Variants in NCOR2 observed in about 807,000 individuals in gnomAD.
NCOR2 encodes the protein nuclear receptor corepressor 2, also known as CTG repeat protein 26.
Under a neutral mutation model 262.9 loss-of-function variants are expected in NCOR2, and 81 were observed. That is an observed-to-expected ratio of 0.31 (90% CI 0.26 to 0.37). The LOEUF (loss-of-function observed/expected upper bound fraction) is 0.37. NCOR2 is among the 10% of genes least tolerant of loss of function. The pLI is 1.00. For missense variants in NCOR2, 3,385 were observed against 3,621.4 expected, an observed-to-expected ratio of 0.93 and a Z score of 1.68; for synonymous variants, 1,659 against 1,559.3, an observed-to-expected ratio of 1.06 and a Z score of -1.51.
At chr12:124,485,546 C>T (rs1206049390) in intron 2 of NCOR2, among the ~76,000 whole-genome samples, 1 of 152,232 alleles carries the variant, frequency 6.6e-6, no homozygotes, top group Non-Finnish European at 1.5e-5. Flanking sequence ...GGCTTGAAGC[C>T]GCCCAGTTTG....
intron 1 of NCOR2, among the ~76,000 whole-genome samples, chr12:124,565,659 T>C (rs746156502): frequency 1.6e-4 from 25 of 151,908 alleles, no homozygotes; most frequent in Non-Finnish European, 3.2e-4. Flanking sequence ...ACCGACACAG[T>C]AGTCATAGTA....
chr12:124,429,681 G>A (rs2136345037), exon 10 of NCOR2: 1 of 1,608,326 alleles, frequency 6.2e-7, no homozygotes, highest in Middle Eastern at 1.7e-4. Context: ...GACATGGACA[G>A]CCCACTGCCC....
chr12:124,333,133 G>A, exon 42 of NCOR2: 1 of 1,604,464 alleles, frequency 6.2e-7, no homozygotes, highest in Non-Finnish European at 8.5e-7. Flanking sequence ...GAAGTACCTG[G>A]GCTCCGTCTG....
exon 32 of NCOR2, chr12:124,344,900 G>A (rs2036783759): frequency 6.3e-7 from 1 of 1,578,242 alleles, no homozygotes; most frequent in Non-Finnish European, 8.6e-7. Flanking sequence ...CGTACGTCGT[G>A]CTTTTTGGAG....
chr12:124,386,275 G>A (rs533804353), intron 16 of NCOR2, among the ~76,000 whole-genome samples: 28 of 152,246 alleles, frequency 1.8e-4, no homozygotes, highest in South Asian at 4.2e-4. Flanking sequence ...CCTGCTGGGC[G>A]GAGGGCCTGG....
chr12:124,450,513 C>T (rs965714144), intron 6 of NCOR2, among the ~76,000 whole-genome samples: 9 of 152,180 alleles, frequency 5.9e-5, no homozygotes, highest in African/African-American at 1.9e-4. Flanking sequence ...ATGTTCCTAA[C>T]GCACTGCTCA....
chr12:124,340,341 A>G (rs1169749737), exon 36 of NCOR2: 11 of 1,612,768 alleles, frequency 6.8e-6, no homozygotes, highest in Non-Finnish European at 7.6e-6. Flanking sequence ...GGACGTGAGG[A>G]TGGACTTTTC....
chr12:124,534,081 C>G (rs535497778), intron 1 of NCOR2, among the ~76,000 whole-genome samples: 6 of 152,028 alleles, frequency 3.9e-5, no homozygotes, highest in Non-Finnish European at 8.8e-5. Flanking sequence ...ACCACCTGTA[C>G]GGCGTGTGGC....
In NCOR2 at chr12:124,332,310, G is replaced by GCC; in HGVS notation, c.6904+7_6904+8dup. 2 of 1,613,934 alleles carry GCC rather than the reference G, an allele frequency of 1.2e-6. No homozygotes were observed. Among genetic ancestry groups the GCC allele is most frequent in the Non-Finnish European group, 1.7e-6 (2 of 1,179,950 alleles). Reference sequence around the variant, plus strand: ...CCCATGCTTCCCCGGGAGCCTGCAGGCCCCTTACTGTATTCAGGCTCATTC... The same window carrying GCC: ...CCCATGCTTCCCCGGGAGCCTGCAGGCCCCCCTTACTGTATTCAGGCTCATTC... On this transcript the variant is annotated intron_variant, in intron 43 of 46. Transcript: ENST00000405201.
intron 8 of NCOR2, 76 bp from the exon 11 acceptor site, chr12:124,430,863 T>C (rs1466161716): frequency 6.6e-7 from 1 of 1,517,502 alleles, no homozygotes. Flanking sequence ...CCCACTCACA[T>C]GCAGGCAGAC....
intron 12 of NCOR2, among the ~76,000 whole-genome samples, chr12:124,421,711 C>T (rs1405301309): frequency 6.6e-6 from 1 of 152,342 alleles, no homozygotes; most frequent in South Asian, 2.1e-4. Context: ...TTAAGACACA[C>T]GGACGGCAGC....
intron 4 of NCOR2, among the ~76,000 whole-genome samples, chr12:124,472,646 T>C (rs1269077640): frequency 6.6e-6 from 1 of 152,238 alleles, no homozygotes; most frequent in Non-Finnish European, 1.5e-5. Context: ...TGCGGCAGCC[T>C]GTGTGGCTAT....
In NCOR2 at chr12:124,503,747, C is replaced by G. The variant is rs139525450; in HGVS notation, c.-117-8379G>C. On this transcript the variant is annotated intron_variant, in intron 1 of 46. Transcript: ENST00000404621. The surrounding 1 kb of genome is among the most constrained non-coding windows in gnomAD (Gnocchi z 4.3). ...GGATGGATGGATGGACGGATGGATG[C>G]ATGGATGCATGGATGGATGGATGGA... Among the ~76,000 whole-genome samples, 2 of 139,714 alleles carry G rather than the reference C, an allele frequency of 1.4e-5. No homozygotes were observed. The highest frequency in any genetic ancestry group is 4.5e-4 in the East Asian group (2 of 4,484). 91.7% of individuals were successfully genotyped at this position (139,714 alleles called of 152,430 possible).
intron 13 of NCOR2, among the ~76,000 whole-genome samples, chr12:124,402,782 G>A (rs1310929689): frequency 2.0e-5 from 3 of 152,132 alleles, no homozygotes; most frequent in East Asian, 1.9e-4. Context: ...CTGGGGAGGC[G>A]GAGTCGGGGT....
intron 7 of NCOR2, among the ~76,000 whole-genome samples, chr12:124,447,790 G>A (rs958934508): frequency 2.6e-5 from 4 of 151,552 alleles, no homozygotes; most frequent in Admixed American, 6.6e-5. Flanking sequence ...CTGAACTCCT[G>A]GGCTCAAGCG....
intron 9 of NCOR2, among the ~76,000 whole-genome samples, chr12:124,430,304 T>C (rs745928935): frequency 6.6e-6 from 1 of 152,156 alleles, no homozygotes; most frequent in African/African-American, 2.4e-5. Flanking sequence ...CTCCCCTTTG[T>C]CCCACACCAG....
intron 32 of NCOR2, 65 bp downstream of exon 34, chr12:124,344,532 A>G: frequency 7.4e-7 from 1 of 1,344,802 alleles, no homozygotes. Context: ...CTAATGGTGG[A>G]TGGGGAGGCA....
At chr12:124,358,005 T>C (rs1446299395) in intron 22 of NCOR2, among the ~76,000 whole-genome samples, 2 of 147,636 alleles carry the variant, frequency 1.4e-5, no homozygotes, top group East Asian at 2.1e-4. Flanking sequence ...GGTGTGTGTG[T>C]GTGCACACGT....
At chr12:124,388,973 T>C in intron 16 of NCOR2, 1 of 726,952 alleles carries the variant, frequency 1.4e-6, no homozygotes, top group Non-Finnish European at 1.9e-6. Context: ...CAAGTCCGCC[T>C]GCCTGTGGTG....
Sources: gnomAD v4.1 joint callset for allele counts (sites outside exome capture counted in the v4.1 genomes callset) on GRCh38, gnomAD v4.1.1 for gene constraint, Gnocchi (gnomAD v3.1) non-coding constraint, MANE v1.5 for transcripts, NCBI Gene and HGNC (gene_info 2026-07-23, HGNC 2026-07-21) for gene names.